CD36: variants seen among roughly 807,000 people sequenced by gnomAD.
CD36 encodes the protein CD36 molecule (CD36 blood group), also known as platelet glycoprotein 4.
CD36 carries 119 observed loss-of-function variants against 55.2 expected under a neutral mutation model. The ratio of observed to expected loss-of-function variants is 2.15; its 90% CI spans 1.86 to 2.51. The LOEUF (loss-of-function observed/expected upper bound fraction) is 2.51. Ranked by LOEUF, CD36 falls within the 30% of genes most tolerant of loss-of-function variation. CD36 has a pLI of 0.00. For synonymous variants in CD36, 186 were observed against 193.6 expected, an observed-to-expected ratio of 0.96 and a Z score of 0.33; for missense variants, 819 against 555.5, an observed-to-expected ratio of 1.47 and a Z score of -4.77.
At chr7:80,625,394 T>C (rs759707987) in intron 1 of CD36, among the ~76,000 whole-genome samples, 2 of 152,144 alleles carry the variant, frequency 1.3e-5, no homozygotes, top group Non-Finnish European at 2.9e-5. Flanking sequence ...TCTAAAACAG[T>C]TGGAAACTGA....
Position 80,676,952 on chromosome 7 carries a change from G to T in CD36, c.*569G>T, listed in dbSNP as rs527509416. On this transcript the variant is annotated 3_prime_UTR_variant, in exon 15 of 15. Transcript: ENST00000447544. ...ATTGTTATTCATTATAATATTTTTTGCTGTCATAATCGCCTCATAAAGACA... is the reference window on the plus strand; with the variant it reads ...ATTGTTATTCATTATAATATTTTTTTCTGTCATAATCGCCTCATAAAGACA... The T allele has an allele frequency of 6.6e-6, 1 of 152,030 alleles. No homozygotes were observed. Among genetic ancestry groups the T allele is most frequent in the South Asian group, 2.1e-4 (1 of 4,824 alleles). The allele number at this position is 152,030 out of a possible 1,614,324, so 9.4% of individuals were successfully genotyped here.
intron 1 of CD36, among the ~76,000 whole-genome samples, chr7:80,610,701 A>G (rs1792831314): frequency 6.6e-6 from 1 of 151,984 alleles, no homozygotes; most frequent in Admixed American, 6.6e-5. Context: ...CAGCCTCCCC[A>G]GTAGCTGGGA....
intron 2 of CD36, 185 bp downstream of exon 2, chr7:80,646,366 G>T: frequency 3.4e-6 from 1 of 296,460 alleles, no homozygotes; most frequent in Non-Finnish European, 6.6e-6. Context: ...GAGGGTGAGA[G>T]TTCTCCTTAG....
At chr7:80,652,137 G>A (rs1192999496) in intron 3 of CD36, among the ~76,000 whole-genome samples, 1 of 152,118 alleles carries the variant, frequency 6.6e-6, no homozygotes, top group African/African-American at 2.4e-5. Context: ...AATTAAAATA[G>A]CAGTATAAAA....
At chr7:80,650,809 G>C (rs1795544165) in intron 3 of CD36, among the ~76,000 whole-genome samples, 1 of 151,836 alleles carries the variant, frequency 6.6e-6, no homozygotes, top group Admixed American at 6.6e-5. Context: ...TTATTTTCAA[G>C]GGATGTCTCT....
At chr7:80,615,401 T>A (rs1484279621) in intron 1 of CD36, among the ~76,000 whole-genome samples, 1 of 152,190 alleles carries the variant, frequency 6.6e-6, no homozygotes, top group East Asian at 1.9e-4. Flanking sequence ...TTTTGCAACT[T>A]CCCTGAAAAC....
intron 5 of CD36, 44 bp from the exon 6 acceptor site, chr7:80,662,946 C>A (rs1796669366): frequency 6.9e-7 from 1 of 1,450,690 alleles, no homozygotes. Flanking sequence ...TTGTTAAAAT[C>A]TAATATTGTA....
At chr7:80,642,417 C>A (rs1169738679) in intron 1 of CD36, among the ~76,000 whole-genome samples, 2 of 152,122 alleles carry the variant, frequency 1.3e-5, no homozygotes, top group Admixed American at 6.6e-5. Context: ...ATGGTGGAGA[C>A]AAACTACATT....
At chr7:80,657,263 T>C (rs1483603000) in intron 4 of CD36, among the ~76,000 whole-genome samples, 2 of 152,022 alleles carry the variant, frequency 1.3e-5, no homozygotes, top group Non-Finnish European at 2.9e-5. Flanking sequence ...TTACAAATCC[T>C]GGGTGATTTG....
chr7:80,656,652 T>C lies in CD36; in HGVS notation c.233T>C (p.Met78Thr), dbSNP rs1394681670. ...GTGCAAAATCCACAGGAAGTGATGATGAACAGCAGCAACATTCAAGTTAAG... is the reference window on the plus strand; with the variant it reads ...GTGCAAAATCCACAGGAAGTGATGACGAACAGCAGCAACATTCAAGTTAAG... ...FDVQNPQEVM[M>T]NSSNIQVKQR... Residue 78 changes from methionine to threonine, a missense_variant, in exon 4 of 15, where the codon ATG becomes ACG. Physicochemically the swap from Met to Thr is moderately conservative, Grantham distance 81 (BLOSUM62 -1). Transcript: ENST00000447544. 8 of 1,613,742 alleles carry C rather than the reference T, an allele frequency of 5.0e-6. No homozygotes were observed. The African/African-American group carries it at 5.3e-5, about 11-fold the overall frequency.
At chr7:80,671,745 AAATT>A (rs1323090902) in intron 10 of CD36, among the ~76,000 whole-genome samples, 173 bp from the exon 11 acceptor site, 1 of 152,066 alleles carries the variant, frequency 6.6e-6, no homozygotes, top group Non-Finnish European at 1.5e-5. Context: ...TACATATTGA[AAATT>A]AATACTGAAG....
chr7:80,664,985 A>G, intron 7 of CD36, among the ~76,000 whole-genome samples: 1 of 152,100 alleles, frequency 6.6e-6, no homozygotes, highest in East Asian at 1.9e-4. Context: ...TGGAAGCTTA[A>G]TGAATCCAGG....
Position 80,664,405 on chromosome 7 carries a change from G to A in CD36, c.610-1G>A, listed in dbSNP as rs1489233265. 12 of 1,496,458 alleles carry A rather than the reference G, an allele frequency of 8.0e-6. No homozygotes were observed. Among genetic ancestry groups the A allele is most frequent in the Non-Finnish European group, 1.1e-5 (12 of 1,073,206 alleles). The allele number at this position is 1,496,458 out of a possible 1,614,324, so 92.7% of individuals were successfully genotyped here. On this transcript the variant is annotated splice_acceptor_variant, in intron 6 of 14. Transcript: ENST00000447544. LOFTEE classifies it high-confidence loss of function. ...AACATTTTCCCATACATATATTTCA[G>A]TACAACAATACTGCAGATGGAGTTT...
intron 1 of CD36, among the ~76,000 whole-genome samples, chr7:80,627,145 A>C (rs1327916455): frequency 1.3e-5 from 2 of 152,106 alleles, no homozygotes; most frequent in Non-Finnish European, 2.9e-5. Context: ...GATTGAAAGA[A>C]TCAGTCTGAC....
At chr7:80,625,032 T>A (rs1793665178) in intron 1 of CD36, 1 of 152,116 alleles carries the variant, frequency 6.6e-6, no homozygotes, top group African/African-American at 2.4e-5. Context: ...ACATTTATTT[T>A]ACTTTCAGGT....
At chr7:80,614,634 C>T (rs891947492) in intron 1 of CD36, among the ~76,000 whole-genome samples, 3 of 152,022 alleles carry the variant, frequency 2.0e-5, no homozygotes, top group African/African-American at 7.2e-5. Context: ...CTCAAATTCC[C>T]CACCATGACA....
At chr7:80,606,190 A>T (rs1792541298) in intron 1 of CD36, among the ~76,000 whole-genome samples, 1 of 152,124 alleles carries the variant, frequency 6.6e-6, no homozygotes, top group Admixed American at 6.5e-5. Context: ...ACTTAGATAC[A>T]TTTCTTTCTT....
intron 1 of CD36, among the ~76,000 whole-genome samples, chr7:80,618,021 ATTGT>A (rs1342488189): frequency 6.6e-6 from 1 of 152,142 alleles, no homozygotes; most frequent in Non-Finnish European, 1.5e-5. Context: ...TTTCATGAAT[ATTGT>A]TAGGAGAAAT....
Position 80,619,668 on chromosome 7 carries a change from A to AC in CD36, c.-184+17289_-184+17290insC, listed in dbSNP as rs533499491. On this transcript the variant is annotated intron_variant, in intron 1 of 13. Coordinates refer to the CD36 transcript ENST00000309881. ...TCTCAAAACAGAAAAAAAAAAAAAA[A>AC]AAGGCTATAATTTCCATGGATAGTA... Among the ~76,000 whole-genome samples the AC allele has an allele frequency of 5.4e-3, 821 of 151,772 alleles. 2 individuals carry two copies. Among genetic ancestry groups the AC allele is most frequent in the Non-Finnish European group, 8.8e-3 (597 of 67,890 alleles).
Sources: gnomAD v4.1 joint callset for allele counts (sites outside exome capture counted in the v4.1 genomes callset) on GRCh38, gnomAD v4.1.1 for gene constraint, MANE v1.5 for transcripts, NCBI Gene and HGNC (gene_info 2026-07-23, HGNC 2026-07-21) for gene names.